GALNT1: variants seen among roughly 807,000 people sequenced by gnomAD.
The protein encoded by GALNT1 is GalNAc transferase 1.
Under a neutral mutation model 65.7 loss-of-function variants are expected in GALNT1, and 17 were observed. That is an observed-to-expected ratio of 0.26 (90% CI 0.18 to 0.39). The LOEUF is 0.39. Ranked by LOEUF, GALNT1 falls within the 10% of genes least tolerant of loss-of-function variation. The probability of loss-of-function intolerance (pLI) is 1.00; values close to 1 mark genes in which losing one functional copy is unlikely to be tolerated. For synonymous variants in GALNT1, 210 were observed against 219.7 expected (o/e 0.96, Z 0.39); for missense variants, 460 against 672.8 (o/e 0.68, Z 3.50).
intron 3 of GALNT1, among the ~76,000 whole-genome samples, chr18:35,672,443 G>A (rs940820370): frequency 2.0e-5 from 3 of 152,320 alleles, no homozygotes; most frequent in South Asian, 2.1e-4. Context: ...CCTGCTCCCC[G>A]AGGTGGAAGG....
intron 11 of GALNT1, 139 bp from the exon 12 acceptor site, chr18:35,709,485 T>C: frequency 1.4e-6 from 1 of 738,654 alleles, no homozygotes; most frequent in Non-Finnish European, 2.1e-6. Flanking sequence ...TCCACCTACC[T>C]ACCTTTTCTC....
At chr18:35,636,736 T>C (rs2047093369) in intron 1 of GALNT1, among the ~76,000 whole-genome samples, 1 of 151,228 alleles carries the variant, frequency 6.6e-6, no homozygotes, top group East Asian at 1.9e-4. Flanking sequence ...TACAGGCATG[T>C]CCATGTTATT....
At chr18:35,630,806 G>C (rs2046995956) in intron 1 of GALNT1, among the ~76,000 whole-genome samples, 1 of 152,132 alleles carries the variant, frequency 6.6e-6, no homozygotes, top group Admixed American at 6.5e-5. Flanking sequence ...TAGACCGCTA[G>C]CAAGACTAAT....
intron 2 of GALNT1, among the ~76,000 whole-genome samples, chr18:35,662,216 ACT>A (rs2047487506): frequency 6.6e-6 from 1 of 152,072 alleles, no homozygotes; most frequent in Admixed American, 6.6e-5. Flanking sequence ...ATTTTTAAAA[ACT>A]CTACCAACTC....
At chr18:35,690,082 C>A (rs2047934335) in intron 7 of GALNT1, among the ~76,000 whole-genome samples, 1 of 151,994 alleles carries the variant, frequency 6.6e-6, no homozygotes, top group Non-Finnish European at 1.5e-5. Flanking sequence ...TCAGAACTTT[C>A]CAAAATGTTA....
At chr18:35,642,651 A>G (rs2047179554) in intron 1 of GALNT1, among the ~76,000 whole-genome samples, 1 of 152,200 alleles carries the variant, frequency 6.6e-6, no homozygotes, top group African/African-American at 2.4e-5. Flanking sequence ...ATTAAAAAGT[A>G]TCTTTTCAAA....
intron 11 of GALNT1, among the ~76,000 whole-genome samples, chr18:35,704,693 G>C (rs552584225): frequency 1.3e-5 from 2 of 148,602 alleles, no homozygotes; most frequent in South Asian, 4.3e-4. Flanking sequence ...CGCCCAGGCT[G>C]GAGTGCAGTG....
intron 2 of GALNT1, among the ~76,000 whole-genome samples, chr18:35,662,694 A>G (rs1165498574): frequency 6.6e-6 from 1 of 152,222 alleles, no homozygotes. Flanking sequence ...AGTAATGCAT[A>G]AAATATATTT....
chr18:35,582,045 G>T (rs2046328458), intron 1 of GALNT1, among the ~76,000 whole-genome samples, 183 bp downstream of exon 1: 1 of 152,016 alleles, frequency 6.6e-6, no homozygotes, highest in Admixed American at 6.5e-5. Flanking sequence ...CGTTGGACAC[G>T]CGGCGTCTCT....
chr18:35,608,816 G>C (rs1180274268), intron 1 of GALNT1, among the ~76,000 whole-genome samples: 1 of 152,194 alleles, frequency 6.6e-6, no homozygotes, highest in Non-Finnish European at 1.5e-5. Context: ...AGAAGGACTA[G>C]TTTTCTGCAT....
chr18:35,602,825 G>T (rs1045501304), intron 1 of GALNT1, among the ~76,000 whole-genome samples: 2 of 152,052 alleles, frequency 1.3e-5, no homozygotes, highest in African/African-American at 2.4e-5. Context: ...CTGAGAGCTC[G>T]CACATTGCTG....
intron 1 of GALNT1, among the ~76,000 whole-genome samples, chr18:35,629,332 C>G (rs1185981153): frequency 1.3e-5 from 2 of 152,236 alleles, no homozygotes; most frequent in African/African-American, 4.8e-5. Flanking sequence ...GTCGGGTTAC[C>G]CACAAAGGGA....
chr18:35,691,195 T>C lies in GALNT1; in HGVS notation c.1159+3T>C. ...TTTCTTCTATATAATTTCTCCAGGT[T>C]AGCGTTGTTTTGCATTAGAAATACA... On this transcript the variant is annotated splice_donor_region_variant and intron_variant, in intron 8 of 11. Coordinates refer to ENST00000269195, the MANE Select transcript of GALNT1 (RefSeq NM_020474.4). 6.3e-7 allele frequency: 1 copy of C among 1,593,334 alleles called. No homozygotes were observed. The highest frequency in any genetic ancestry group is 2.2e-5 in the East Asian group (1 of 44,752).
chr18:35,654,585 C>T lies in GALNT1; in HGVS notation c.-78C>T, dbSNP rs1249282407. 2 of 811,450 alleles carry T rather than the reference C, an allele frequency of 2.5e-6. No individual in the cohort carries two copies. The highest frequency in any genetic ancestry group is 3.3e-6 in the Non-Finnish European group (2 of 610,350). The allele number at this position is 811,450 out of a possible 1,614,324, so 50.3% of individuals were successfully genotyped here. A position where few individuals can be genotyped will look rare whatever the true frequency, so the allele number is the denominator to read the frequency against. On this transcript the variant is annotated 5_prime_UTR_variant, in exon 2 of 12. Transcript: ENST00000269195. ...GGTATGAACGTGATTTCTGATGAAA[C>T]TGGATTGGAATAATTTTCATGATCT...
At chr18:35,703,039 GT>G in intron 10 of GALNT1, 44 bp downstream of exon 10, 3 of 1,172,280 alleles carry the variant, frequency 2.6e-6, no homozygotes, top group South Asian at 1.6e-5. Context: ...TTTTCAGATT[GT>G]TTTTACTTTG....
At chr18:35,625,758 G>A (rs1056421575) in intron 1 of GALNT1, among the ~76,000 whole-genome samples, 9 of 152,122 alleles carry the variant, frequency 5.9e-5, no homozygotes, top group Non-Finnish European at 8.8e-5. Context: ...CCTGGTAGGC[G>A]GTGTATTTTC....
intron 4 of GALNT1, 108 bp downstream of exon 4, chr18:35,677,865 T>A (rs2047732703): frequency 5.0e-6 from 4 of 797,798 alleles, no homozygotes; most frequent in Non-Finnish European, 5.5e-6. Flanking sequence ...AATTCTAATT[T>A]ATCCCAAAAA....
intron 1 of GALNT1, among the ~76,000 whole-genome samples, chr18:35,583,396 T>C (rs1259092989): frequency 6.6e-6 from 1 of 152,228 alleles, no homozygotes; most frequent in East Asian, 1.9e-4. Flanking sequence ...GTTTGGTGCC[T>C]CTTAAGCAGC....
chr18:35,702,851 T>C lies in GALNT1; in HGVS notation c.1300-46T>C, dbSNP rs778927616. The C allele has an allele frequency of 1.6e-5, 22 of 1,334,026 alleles. 1 individual carries two copies. The South Asian group carries it at 2.7e-4, about 17-fold the overall frequency. 82.6% of individuals were successfully genotyped at this position (1,334,026 alleles called of 1,614,324 possible). ...TATGTGTGTGTATCTGTCTGTCTAA[T>C]TAACTTCTCCAACTCCTGATATTTT... On this transcript the variant is annotated intron_variant, in intron 9 of 11. Transcript: ENST00000269195.
Sources: gnomAD v4.1 joint callset for allele counts (sites outside exome capture counted in the v4.1 genomes callset) on GRCh38, gnomAD v4.1.1 for gene constraint, MANE v1.5 for transcripts, NCBI Gene and HGNC (gene_info 2026-07-23, HGNC 2026-07-21) for gene names.